The following SLC44A3 variants were observed in gnomAD, a reference collection of about 807,000 sequenced individuals.
SLC44A3 encodes choline transporter-like protein 3.
A neutral mutation model predicts 75.4 loss-of-function variants in SLC44A3; 74 were observed. The observed-to-expected ratio is 0.98, with a 90% CI of 0.81 to 1.19. SLC44A3 has a LOEUF of 1.19. Ranked by LOEUF, SLC44A3 falls within the 50% of genes most tolerant of loss-of-function variation. The pLI is 0.00. For synonymous variants in SLC44A3, 310 were observed against 296.9 expected (o/e 1.04, Z -0.45); for missense variants, 700 against 778.6 (o/e 0.90, Z 1.20).
rs184669889 is a variant in SLC44A3, at chr1:94,862,252, G to A, written c.1239-2491G>A. ...AGTCCTTTGCTGGGACCAGCTTTAC[G>A]TTGGAGGCCATTTGTCCCATGCAGC... On this transcript the variant is annotated intron_variant, in intron 10 of 14. Coordinates refer to ENST00000271227, the MANE Select transcript of SLC44A3 (RefSeq NM_001114106.3). Among the ~76,000 whole-genome samples, 271 of 152,306 alleles carry A rather than the reference G, an allele frequency of 1.8e-3. 2 individuals are homozygous for A. Among genetic ancestry groups the A allele is most frequent in the African/African-American group, 6.0e-3 (250 of 41,564 alleles).
intron 9 of SLC44A3, among the ~76,000 whole-genome samples, chr1:94,846,079 G>A (rs775188532): frequency 6.6e-6 from 1 of 151,136 alleles, no homozygotes; most frequent in Non-Finnish European, 1.5e-5. Context: ...CCTGGGAGGT[G>A]GAGGTTGCAG....
chr1:94,857,209 G>A (rs1665982414), intron 9 of SLC44A3, 126 bp from the exon 10 acceptor site: 1 of 864,830 alleles, frequency 1.2e-6, no homozygotes, highest in African/African-American at 1.7e-5. Context: ...ATTATGGTGG[G>A]TACTTGATTT....
chr1:94,878,450 C>T (rs1354141306), intron 12 of SLC44A3, among the ~76,000 whole-genome samples: 1 of 152,114 alleles, frequency 6.6e-6, no homozygotes, highest in Non-Finnish European at 1.5e-5. Context: ...GCTGCCTTCA[C>T]ACAGCTTTTT....
chr1:94,832,786 C>T (rs1261219489), intron 5 of SLC44A3, among the ~76,000 whole-genome samples: 1 of 152,094 alleles, frequency 6.6e-6, no homozygotes, highest in African/African-American at 2.4e-5. Flanking sequence ...CCAGCCTGGA[C>T]AACATAACGA....
At position 94,881,874 on chromosome 1, in the gene SLC44A3, G is replaced by T. The variant is rs192769693; in HGVS notation, c.1483-9256G>T. ...AAAAATACAAAAAAAAAAAAAATTA[G>T]CTGGGCATGGTGGCACGTGCCTGTA... On this transcript the variant is annotated intron_variant, in intron 12 of 14. Coordinates refer to ENST00000271227, the MANE Select transcript of SLC44A3 (RefSeq NM_001114106.3). Among the ~76,000 whole-genome samples the T allele has an allele frequency of 6.7e-3, 938 of 140,678 alleles. 7 individuals are homozygous for T. The highest frequency in any genetic ancestry group is 9.1e-3 in the Non-Finnish European group (589 of 65,060). 92.3% of individuals were successfully genotyped at this position (140,678 alleles called of 152,430 possible). A position where few individuals can be genotyped will look rare whatever the true frequency, so the allele number is the denominator to read the frequency against.
At chr1:94,842,761 G>A (rs1244165975) in intron 8 of SLC44A3, among the ~76,000 whole-genome samples, 5 of 152,232 alleles carry the variant, frequency 3.3e-5, no homozygotes, top group Admixed American at 2.0e-4. Context: ...CAGAGTCGTC[G>A]TTGCTGGTGT....
chr1:94,877,051 G>T (rs1029051268), intron 12 of SLC44A3, among the ~76,000 whole-genome samples: 3 of 151,912 alleles, frequency 2.0e-5, no homozygotes, highest in African/African-American at 7.2e-5. Flanking sequence ...CCATGTCTCT[G>T]GTACCCCCTC....
chr1:94,837,843 A>C lies in SLC44A3; in HGVS notation c.642A>C (p.Thr214=), dbSNP rs746772780. ...GTGGAATCATGTCGGGAAGAGATAC[A>C]ATCCTTGGCCTGTGTATCCTCGCAT... is the stretch of plus-strand genomic sequence containing the variant. ...ILSGIMSGRD[T]ILGLCILALA... is the part of the protein sequence containing the mutation. The change falls in exon 6 of 15, where the codon ACA becomes ACC. Residue 214 remains threonine, a synonymous_variant. Coordinates refer to ENST00000271227, the MANE Select transcript of SLC44A3 (RefSeq NM_001114106.3). 9.3e-6 allele frequency: 15 copies of C among 1,609,468 alleles called. No individual in the cohort carries two copies. The highest frequency in any genetic ancestry group is 1.7e-5 in the Admixed American group (1 of 58,788).
intron 3 of SLC44A3, among the ~76,000 whole-genome samples, chr1:94,825,121 C>T (rs1326216917): frequency 6.6e-6 from 1 of 152,160 alleles, no homozygotes; most frequent in East Asian, 1.9e-4. Flanking sequence ...CACCCCTGCC[C>T]CAGCTATGGC....
intron 9 of SLC44A3, among the ~76,000 whole-genome samples, chr1:94,856,423 C>A (rs907123923): frequency 6.6e-6 from 1 of 152,200 alleles, no homozygotes; most frequent in Non-Finnish European, 1.5e-5. Context: ...AAGGTTAACA[C>A]TGAGGCCCAG....
At chr1:94,840,283 CTT>C (rs56383271) in intron 7 of SLC44A3, among the ~76,000 whole-genome samples, 14 of 77,358 alleles carry the variant, frequency 1.8e-4, no homozygotes, top group African/African-American at 5.7e-4. Flanking sequence ...TTTCTTTTTC[CTT>C]TTTTTTTTTT....
intron 3 of SLC44A3, among the ~76,000 whole-genome samples, chr1:94,825,388 T>C (rs960635441): frequency 1.3e-5 from 2 of 152,200 alleles, no homozygotes; most frequent in African/African-American, 2.4e-5. Flanking sequence ...TGGAGTGCAG[T>C]GGGGAGATCT....
chr1:94,828,906 G>A (rs1484762620), intron 5 of SLC44A3, among the ~76,000 whole-genome samples: 8 of 152,130 alleles, frequency 5.3e-5, no homozygotes, highest in African/African-American at 1.9e-4. Flanking sequence ...ATAAATTAGT[G>A]TGTATTTTTT....
intron 3 of SLC44A3, among the ~76,000 whole-genome samples, chr1:94,826,104 A>C (rs1323355474): frequency 1.3e-5 from 2 of 152,234 alleles, no homozygotes; most frequent in East Asian, 3.9e-4. Flanking sequence ...AACCCTGAGG[A>C]TGTCATGCCA....
chr1:94,850,278 T>C (rs1034321584), intron 9 of SLC44A3, among the ~76,000 whole-genome samples: 3 of 152,158 alleles, frequency 2.0e-5, no homozygotes, highest in African/African-American at 7.2e-5. Flanking sequence ...ATTTGTCTGG[T>C]ACCAGCAATA....
intron 9 of SLC44A3, among the ~76,000 whole-genome samples, chr1:94,846,773 A>G (rs1204665317): frequency 6.6e-6 from 1 of 152,256 alleles, no homozygotes; most frequent in African/African-American, 2.4e-5. Flanking sequence ...GATAAGGACC[A>G]CAGCTGATGT....
chr1:94,880,538 T>A (rs1041649455), intron 12 of SLC44A3, among the ~76,000 whole-genome samples: 1 of 152,194 alleles, frequency 6.6e-6, no homozygotes, highest in Non-Finnish European at 1.5e-5. Flanking sequence ...TCATACAGTA[T>A]TTGTCTACTT....
intron 9 of SLC44A3, among the ~76,000 whole-genome samples, chr1:94,855,010 T>C (rs976742209): frequency 6.6e-6 from 1 of 151,914 alleles, no homozygotes; most frequent in Non-Finnish European, 1.5e-5. Flanking sequence ...TCAGAAACAA[T>C]AGTGATCACT....
chr1:94,845,435 T>G lies in SLC44A3; in HGVS notation c.1043T>G (p.Val348Gly). The change falls in exon 9 of 15, where the codon GTG (valine) becomes GGG (glycine). Residue 348 changes from valine (V) to glycine (G), a missense_variant. Transcript: ENST00000271227. The part of the protein sequence containing the change: ...AILIFFWVLW[V>G]AVLLSLGTAG... ...CTCATTTTCTTCTGGGTCCTCTGGG[T>G]GGCTGTGCTGCTGAGCCTGGGAACT... is the stretch of plus-strand genomic sequence containing the variant. 6.2e-7 allele frequency: 1 copy of G among 1,613,242 alleles called. No individual in the cohort carries two copies. Among genetic ancestry groups the G allele is most frequent in the Non-Finnish European group, 8.5e-7 (1 of 1,179,980 alleles).
Sources: allele counts gnomAD v4.1 joint callset (sites outside exome capture counted in the v4.1 genomes callset), GRCh38; gene constraint gnomAD v4.1.1; transcripts MANE v1.5; gene names NCBI Gene and HGNC (gene_info 2026-07-23, HGNC 2026-07-21).